Variants in CTNNBL1 observed in about 807,000 individuals in gnomAD.
The protein encoded by CTNNBL1 is catenin beta like 1.
Under a neutral mutation model 72.7 loss-of-function variants are expected in CTNNBL1, and 31 were observed. The observed-to-expected ratio is 0.43, with a 90% CI of 0.32 to 0.58. CTNNBL1 has a LOEUF of 0.58. CTNNBL1 is among the 20% of genes least tolerant of loss of function. CTNNBL1 has a pLI of 0.08. For synonymous variants in CTNNBL1, 240 were observed against 267.3 expected (o/e 0.90, Z 1.00); for missense variants, 534 against 725.1 (o/e 0.74, Z 3.03).
At chr20:37,828,353 A>G (rs1205182733) in intron 11 of CTNNBL1, among the ~76,000 whole-genome samples, 2 of 152,184 alleles carry the variant, frequency 1.3e-5, no homozygotes, top group African/African-American at 4.8e-5. Flanking sequence ...AAACTATCTC[A>G]TGACTTTACT....
intron 10 of CTNNBL1, among the ~76,000 whole-genome samples, chr20:37,791,849 A>G (rs1015751070): frequency 6.6e-6 from 1 of 152,138 alleles, no homozygotes; most frequent in African/African-American, 2.4e-5. Flanking sequence ...CCGTGGAAAA[A>G]CTATCTTCCA....
chr20:37,793,451 T>C (rs2073743908), intron 10 of CTNNBL1, among the ~76,000 whole-genome samples: 1 of 152,246 alleles, frequency 6.6e-6, no homozygotes, highest in Non-Finnish European at 1.5e-5. Flanking sequence ...TACAACTTTC[T>C]CTTAATTAGT....
At chr20:37,765,376 A>T in intron 6 of CTNNBL1, 86 bp downstream of exon 6, 1 of 864,046 alleles carries the variant, frequency 1.2e-6, no homozygotes, top group Non-Finnish European at 1.9e-6. Flanking sequence ...TCTTCATAAT[A>T]GAGTCAATAG....
intron 11 of CTNNBL1, among the ~76,000 whole-genome samples, chr20:37,835,463 T>C (rs2294441): frequency 0.82 from 124,510 of 152,118 alleles, 51,008 homozygotes; most frequent in Middle Eastern, 0.89. Context: ...CCTACTGGGC[T>C]GTCACAATTA....
At chr20:37,869,509 C>T (rs1256191408) in intron 15 of CTNNBL1, among the ~76,000 whole-genome samples, 2 of 152,238 alleles carry the variant, frequency 1.3e-5, no homozygotes, top group Non-Finnish European at 2.9e-5. Context: ...GGGGGGCCCT[C>T]GGCCAGGCTT....
At chr20:37,837,103 A>G (rs936597795) in intron 11 of CTNNBL1, among the ~76,000 whole-genome samples, 2 of 152,090 alleles carry the variant, frequency 1.3e-5, no homozygotes, top group African/African-American at 2.4e-5. Flanking sequence ...TCTGTCCCTC[A>G]TTCTTTCTGC....
At chr20:37,786,334 C>T (rs1012014141) in intron 10 of CTNNBL1, among the ~76,000 whole-genome samples, 1 of 152,214 alleles carries the variant, frequency 6.6e-6, no homozygotes, top group African/African-American at 2.4e-5. Context: ...AGGCTTGTGT[C>T]CTTCCCTTCA....
chr20:37,802,480 A>C (rs542888811), intron 10 of CTNNBL1, among the ~76,000 whole-genome samples: 98 of 152,324 alleles, frequency 6.4e-4, no homozygotes, highest in African/African-American at 2.3e-3. Flanking sequence ...GTACATTTTA[A>C]CTGGTAGAAA....
At chr20:37,826,838 TATAA>T (rs2072164279) in intron 11 of CTNNBL1, among the ~76,000 whole-genome samples, 1 of 152,240 alleles carries the variant, frequency 6.6e-6, no homozygotes, top group African/African-American at 2.4e-5. Flanking sequence ...TTAGCATGAA[TATAA>T]ATTAACTGAG....
intron 1 of CTNNBL1, among the ~76,000 whole-genome samples, chr20:37,721,791 C>G (rs1377748232): frequency 6.6e-6 from 1 of 152,070 alleles, no homozygotes; most frequent in Non-Finnish European, 1.5e-5. Context: ...AACTTTGTTT[C>G]TTATTGTCCA....
intron 1 of CTNNBL1, among the ~76,000 whole-genome samples, chr20:37,716,637 C>T (rs2072988827): frequency 6.6e-6 from 1 of 152,140 alleles, no homozygotes; most frequent in Non-Finnish European, 1.5e-5. Flanking sequence ...CATATCTTTT[C>T]ATTGTCTTTG....
At chr20:37,794,276 T>C (rs2073750830) in intron 10 of CTNNBL1, among the ~76,000 whole-genome samples, 1 of 152,178 alleles carries the variant, frequency 6.6e-6, no homozygotes, top group African/African-American at 2.4e-5. Flanking sequence ...TGATGACTTC[T>C]GTGAGCTGTA....
At chr20:37,870,554 C>G (rs976784463) in intron 15 of CTNNBL1, among the ~76,000 whole-genome samples, 1 of 152,170 alleles carries the variant, frequency 6.6e-6, no homozygotes, top group Non-Finnish European at 1.5e-5. Flanking sequence ...TTGGAGCCAC[C>G]CTCAGAAAAC....
intron 11 of CTNNBL1, among the ~76,000 whole-genome samples, chr20:37,825,739 G>A (rs1201697936): frequency 6.6e-6 from 1 of 152,150 alleles, no homozygotes; most frequent in Non-Finnish European, 1.5e-5. Flanking sequence ...TCTGATTGCT[G>A]CCCCTTGGTG....
intron 10 of CTNNBL1, among the ~76,000 whole-genome samples, chr20:37,789,950 A>G (rs951397160): frequency 2.0e-5 from 3 of 152,256 alleles, no homozygotes; most frequent in South Asian, 2.1e-4. Flanking sequence ...GTTATGTAGC[A>G]TAAATACAGT....
chr20:37,755,647 A>G (rs1276745084), intron 4 of CTNNBL1, among the ~76,000 whole-genome samples: 1 of 152,252 alleles, frequency 6.6e-6, no homozygotes. Context: ...AAAGACCTGC[A>G]TGTAATACCC....
intron 10 of CTNNBL1, among the ~76,000 whole-genome samples, chr20:37,800,514 A>C (rs2073815167): frequency 6.6e-6 from 1 of 152,198 alleles, no homozygotes. Context: ...ATCTCTTCAG[A>C]AACTGTCTCC....
chr20:37,727,335 AT>A (rs2073093615), intron 1 of CTNNBL1: 1 of 984,972 alleles, frequency 1.0e-6, no homozygotes, highest in African/African-American at 1.7e-5. Context: ...CACACAGGCA[AT>A]AGGCCTCAAG....
chr20:37,783,215 G>A (rs2073641533), intron 10 of CTNNBL1, among the ~76,000 whole-genome samples: 1 of 152,118 alleles, frequency 6.6e-6, no homozygotes, highest in Non-Finnish European at 1.5e-5. Flanking sequence ...CTGGCCAAAT[G>A]CCTCCTTTTT....
Sources: allele counts gnomAD v4.1 joint callset (sites outside exome capture counted in the v4.1 genomes callset), GRCh38; gene constraint gnomAD v4.1.1; transcripts MANE v1.5; gene names NCBI Gene and HGNC (gene_info 2026-07-23, HGNC 2026-07-21).